OAS2: variants seen among roughly 807,000 people sequenced by gnomAD.
OAS2 encodes 2'-5'-oligoadenylate synthase 2.
Under a neutral mutation model 71.3 loss-of-function variants are expected in OAS2, and 67 were observed. That is an observed-to-expected ratio of 0.94 (90% CI 0.77 to 1.15). The LOEUF is 1.15. Ranked by LOEUF, OAS2 falls within the 50% of genes most tolerant of loss-of-function variation. OAS2 has a pLI of 0.00. For missense variants in OAS2, 789 were observed against 822.5 expected (o/e 0.96, Z 0.50); for synonymous variants, 327 against 321.8 (o/e 1.02, Z -0.17).
At chr12:113,001,555 C>T (rs566924532) in intron 5 of OAS2, among the ~76,000 whole-genome samples, 1 of 149,936 alleles carries the variant, frequency 6.7e-6, no homozygotes, top group Non-Finnish European at 1.5e-5. Context: ...TGCTTCCTCA[C>T]CTTTTCAAGC....
At position 112,995,496 on chromosome 12, in the gene OAS2, T is replaced by A. The variant is rs746180379; in HGVS notation, c.627+22T>A. 1.9e-6 allele frequency: 3 copies of A among 1,591,450 alleles called. No homozygotes were observed. The East Asian group carries it at 6.7e-5, about 36-fold the overall frequency. On this transcript the variant is annotated intron_variant, in intron 3 of 9. Coordinates refer to ENST00000392583, the MANE Select transcript of OAS2 (RefSeq NM_002535.3). ...ACAGGTAATTTTCCAACTGTCTATA[T>A]ATGGTTATCATTCATTTCCTTTTTA...
chr12:113,006,209 C>T (rs1427766441), intron 7 of OAS2, among the ~76,000 whole-genome samples: 1 of 152,160 alleles, frequency 6.6e-6, no homozygotes, highest in African/African-American at 2.4e-5. Flanking sequence ...TTAATAATAC[C>T]AGCTGCACCT....
chr12:113,001,197 A>G (rs1267125365), intron 5 of OAS2, among the ~76,000 whole-genome samples: 2 of 151,558 alleles, frequency 1.3e-5, no homozygotes, highest in Non-Finnish European at 2.9e-5. Flanking sequence ...AAATAAATAA[A>G]TTAGCTGTAG....
intron 2 of OAS2, among the ~76,000 whole-genome samples, chr12:112,991,344 C>T (rs1237082537): frequency 6.6e-6 from 1 of 152,204 alleles, no homozygotes; most frequent in Non-Finnish European, 1.5e-5. Context: ...CTATCTGAGA[C>T]AGGTCTCAGT....
Position 112,983,828 on chromosome 12 carries a change from A to G in OAS2, c.178-3210A>G, listed in dbSNP as rs374805435. Among the ~76,000 whole-genome samples the G allele has an allele frequency of 2.0e-4, 30 of 152,340 alleles. 2 individuals are homozygous for G. Among genetic ancestry groups the G allele is most frequent in the South Asian group, 1.0e-3 (5 of 4,828 alleles). ...GTAAGTATCCATTAAGATACCTGAC[A>G]GTATTTCAATTTTTAAAAATTTGTT... On this transcript the variant is annotated intron_variant, in intron 1 of 9. Transcript: ENST00000392583.
chr12:112,983,296 G>C (rs2044100648), intron 1 of OAS2, among the ~76,000 whole-genome samples: 1 of 152,118 alleles, frequency 6.6e-6, no homozygotes, highest in Admixed American at 6.5e-5. Context: ...CGTGATCTCA[G>C]CTCACTGCAA....
At chr12:113,008,687 A>T (rs1276655687) in intron 9 of OAS2, among the ~76,000 whole-genome samples, 3 of 152,128 alleles carry the variant, frequency 2.0e-5, no homozygotes, top group Non-Finnish European at 4.4e-5. Context: ...GTGCAGTGGC[A>T]CAATCTCAGC....
At chr12:113,005,942 A>C (rs990292371) in intron 7 of OAS2, among the ~76,000 whole-genome samples, 38 of 147,936 alleles carry the variant, frequency 2.6e-4, no homozygotes, top group African/African-American at 8.2e-4. Context: ...AAAAAAAAAA[A>C]AAAAAAAAAC....
In OAS2 at chr12:112,997,686, G is replaced by A; in HGVS notation, c.794G>A (p.Trp265Ter). Reference sequence around the variant, plus strand: ...TGCCAGGAGAAGCTGTGTATCTATTGGATGGTCAACTACAACTTTGAAGAT... The same window carrying A: ...TGCCAGGAGAAGCTGTGTATCTATTAGATGGTCAACTACAACTTTGAAGAT... ...IKCQEKLCIY[W>*]MVNYNFEDET... Residue 265 changes from tryptophan to a stop codon, truncating the protein, a stop_gained, in exon 4 of 10, where the codon TGG becomes TAG. Transcript: ENST00000392583. LOFTEE classifies it high-confidence loss of function. The A allele has an allele frequency of 6.2e-7, 1 of 1,613,694 alleles. No individual in the cohort carries two copies. The highest frequency in any genetic ancestry group is 8.5e-7 in the Non-Finnish European group (1 of 1,179,832).
chr12:113,008,922 G>A (rs1293744), intron 9 of OAS2, among the ~76,000 whole-genome samples, 165 bp from the exon 10 acceptor site: 32,587 of 152,034 alleles, frequency 0.21, 3,850 homozygotes, highest in East Asian at 0.5. Context: ...GCCACTGCAC[G>A]CGGCCTCTAG....
chr12:112,978,695 A>C lies in OAS2; in HGVS notation c.87A>C (p.Glu29Asp). ...FIQEYLKPYE[E>D]CQTLIDEMVN... ...AGGAATACCTGAAGCCCTACGAAGA[A>C]TGTCAGACACTGATCGACGAGATGG... is the stretch of plus-strand genomic sequence containing the variant. The change falls in exon 1 of 10, where the codon GAA becomes GAC. Residue 29 changes from glutamate to aspartate, a missense_variant. Glu to Asp is a conservative substitution (Grantham distance 45, BLOSUM62 2). Coordinates refer to ENST00000392583, the MANE Select transcript of OAS2 (RefSeq NM_002535.3). The surrounding 1 kb of genome is among the most constrained non-coding windows in gnomAD (Gnocchi z 4.2). 1 of 1,614,192 alleles carries C rather than the reference A, an allele frequency of 6.2e-7. No homozygotes were observed. The highest frequency in any genetic ancestry group is 1.1e-5 in the South Asian group (1 of 91,088).
At chr12:112,989,024 A>G (rs1468141839) in intron 2 of OAS2, among the ~76,000 whole-genome samples, 1 of 152,208 alleles carries the variant, frequency 6.6e-6, no homozygotes, top group Admixed American at 6.5e-5. Flanking sequence ...TGCTCAGGGT[A>G]CAGCTTGGTT....
rs561046314 is a variant in OAS2, at chr12:112,983,382, C to T, written c.178-3656C>T. ...TTGGGATCACAGGCATGCACCACCA[C>T]GCCCGGCTAATTTTGTATTTTTAGT... On this transcript the variant is annotated intron_variant, in intron 1 of 9. Coordinates refer to ENST00000392583, the MANE Select transcript of OAS2 (RefSeq NM_002535.3). Among the ~76,000 whole-genome samples, 31 of 152,138 alleles carry T rather than the reference C, an allele frequency of 2.0e-4. No homozygotes were observed. The South Asian group carries it at 3.3e-3, about 16-fold the overall frequency.
At position 113,004,968 on chromosome 12, in the gene OAS2, C is replaced by T. The variant is rs771452616; in HGVS notation, c.1214C>T (p.Thr405Ile). Reference sequence around the variant, plus strand: ...ACCGCCAAAGGCACAGCTCTGAAGACTGGCTCTGATGCCGATCTCGTCGTG... The same window carrying T: ...ACCGCCAAAGGCACAGCTCTGAAGATTGGCTCTGATGCCGATCTCGTCGTG... Reference protein sequence around the residue: ...GSTAKGTALKTGSDADLVVFH... With the variant: ...GSTAKGTALKIGSDADLVVFH... Residue 405 changes from threonine to isoleucine, a missense_variant, in exon 7 of 10, where the codon ACT becomes ATT. Coordinates refer to ENST00000392583, the MANE Select transcript of OAS2 (RefSeq NM_002535.3). 2.5e-6 allele frequency: 4 copies of T among 1,614,208 alleles called. No homozygotes were observed. Among genetic ancestry groups the T allele is most frequent in the Non-Finnish European group, 3.4e-6 (4 of 1,180,020 alleles).
chr12:112,987,305 C>T lies in OAS2; in HGVS notation c.445C>T (p.Leu149=). The T allele has an allele frequency of 6.2e-7, 1 of 1,614,180 alleles. No homozygotes were observed. The highest frequency in any genetic ancestry group is 1.7e-5 in the Admixed American group (1 of 60,032). Residue 149 remains leucine, a synonymous_variant, in exon 2 of 10, where the codon CTG becomes TTG. Coordinates refer to ENST00000392583, the MANE Select transcript of OAS2 (RefSeq NM_002535.3). ...SFEVLAAFNA[L]SLNDNPSPWI... ...CGAGGTGCTGGCCGCCTTCAACGCT[C>T]TGAGTAAGCATTGCTGGGTGTCAGG...
chr12:112,981,095 T>G (rs1450047471), intron 1 of OAS2, among the ~76,000 whole-genome samples: 1 of 152,196 alleles, frequency 6.6e-6, no homozygotes, highest in Admixed American at 6.5e-5. Context: ...GTTGTTCACG[T>G]TCCTTGTATA....
intron 1 of OAS2, among the ~76,000 whole-genome samples, chr12:112,981,375 A>G (rs1045993039): frequency 3.3e-5 from 5 of 151,940 alleles, no homozygotes; most frequent in Non-Finnish European, 1.5e-5. Context: ...TCTTTAACCC[A>G]TTTTTAGTTA....
chr12:112,990,148 T>A (rs1593198113), intron 2 of OAS2, among the ~76,000 whole-genome samples: 1 of 152,314 alleles, frequency 6.6e-6, no homozygotes, highest in East Asian at 1.9e-4. Context: ...AAGGCCAAAC[T>A]CTGTAAAATA....
chr12:113,000,671 T>C (rs888251658), intron 5 of OAS2, among the ~76,000 whole-genome samples: 3 of 146,642 alleles, frequency 2.0e-5, no homozygotes, highest in Non-Finnish European at 4.5e-5. Context: ...CTCACACACA[T>C]GCACACATGC....
Sources: allele counts gnomAD v4.1 joint callset (sites outside exome capture counted in the v4.1 genomes callset), GRCh38; gene constraint gnomAD v4.1.1; non-coding constraint Gnocchi (gnomAD v3.1); transcripts MANE v1.5; gene names NCBI Gene and HGNC (gene_info 2026-07-23, HGNC 2026-07-21).